ESCO1: variants seen among roughly 807,000 people sequenced by gnomAD.
ESCO1 encodes establishment of sister chromatid cohesion N-acetyltransferase 1, also known as N-acetyltransferase ESCO1.
ESCO1 carries 33 observed loss-of-function variants against 83.5 expected under a neutral mutation model. The observed-to-expected ratio is 0.40, with a 90% confidence interval of 0.30 to 0.53. The LOEUF is 0.53. Ranked by LOEUF, ESCO1 falls within the 20% of genes least tolerant of loss-of-function variation. The probability of loss-of-function intolerance (pLI) is 0.63; values close to 1 mark genes in which losing one functional copy is unlikely to be tolerated. For missense variants in ESCO1, 855 were observed against 968.0 expected (o/e 0.88, Z 1.55); for synonymous variants, 332 against 324.3 (o/e 1.02, Z -0.25).
chr18:21,566,062 G>T, intron 6 of ESCO1, 84 bp downstream of exon 6: 1 of 1,249,404 alleles, frequency 8.0e-7, no homozygotes, highest in Non-Finnish European at 1.2e-6. Context: ...AGGGTTACTA[G>T]CATAACTTTT....
intron 8 of ESCO1, among the ~76,000 whole-genome samples, chr18:21,542,670 C>A (rs1351044989): frequency 6.6e-6 from 1 of 152,098 alleles, no homozygotes; most frequent in African/African-American, 2.4e-5. Flanking sequence ...AATAAATGTT[C>A]CCAAGGGTAA....
intron 10 of ESCO1, among the ~76,000 whole-genome samples, chr18:21,535,504 T>C (rs2037824916): frequency 6.6e-6 from 1 of 151,902 alleles, no homozygotes. Context: ...TGCCTCAGCC[T>C]CCCCAATAGC....
chr18:21,564,910 A>C (rs1270079067), intron 6 of ESCO1, among the ~76,000 whole-genome samples: 1 of 151,784 alleles, frequency 6.6e-6, no homozygotes, highest in East Asian at 2.0e-4. Flanking sequence ...AATAAAAATA[A>C]ATAAATAAAA....
chr18:21,593,596 G>GGAGGGAGAGGGAGAGGGAGAGGGA (rs1568115698), intron 1 of ESCO1: 3 of 9,186 alleles, frequency 3.3e-4, no homozygotes, highest in African/African-American at 4.9e-4. Flanking sequence ...GAGGGAGACC[G>GGAGGGAGAGGGAGAGGGAGAGGGA]TAGGGAGAGG....
At chr18:21,545,008 T>C (rs537841646) in intron 8 of ESCO1, among the ~76,000 whole-genome samples, 27 of 152,326 alleles carry the variant, frequency 1.8e-4, no homozygotes, top group East Asian at 5.8e-4. Flanking sequence ...CAAAGGAGTT[T>C]TGGAGGTGCC....
rs529057017 is a variant in ESCO1, at chr18:21,563,986, C to G, written c.1821+217G>C. On this transcript the variant is annotated intron_variant, in intron 7 of 11. Coordinates refer to ENST00000269214, the MANE Select transcript of ESCO1 (RefSeq NM_052911.3). ...CTTGCTTCCTCCCTTACCACGTGGT[C>G]TCTCTGCACATGAGCTCACTCCCTT... Among the ~76,000 whole-genome samples the G allele has an allele frequency of 2.0e-5, 3 of 152,028 alleles. No individual in the cohort carries two copies. In the South Asian group the frequency reaches 6.2e-4, roughly 32 times the overall value.
intron 8 of ESCO1, among the ~76,000 whole-genome samples, chr18:21,545,899 C>T (rs1185333451): frequency 6.6e-6 from 1 of 152,160 alleles, no homozygotes; most frequent in East Asian, 1.9e-4. Flanking sequence ...CACTGCACTC[C>T]AGCCTGGGTG....
chr18:21,583,089 G>A (rs2038525253), intron 2 of ESCO1, among the ~76,000 whole-genome samples: 2 of 152,140 alleles, frequency 1.3e-5, no homozygotes, highest in African/African-American at 2.4e-5. Context: ...GGCTGAGGCA[G>A]GAGAACTGCT....
intron 4 of ESCO1, among the ~76,000 whole-genome samples, chr18:21,570,932 C>T (rs1186700216): frequency 6.7e-6 from 1 of 149,696 alleles, no homozygotes; most frequent in African/African-American, 2.5e-5. Context: ...AGCCGAGATG[C>T]ACCACTGCAC....
chr18:21,567,376 G>A (rs796327999), intron 5 of ESCO1, among the ~76,000 whole-genome samples: 2 of 152,004 alleles, frequency 1.3e-5, no homozygotes, highest in African/African-American at 4.8e-5. Flanking sequence ...CATTGGCCAG[G>A]CTGGTCTCGA....
chr18:21,555,480 T>C (rs2038101352), intron 8 of ESCO1, among the ~76,000 whole-genome samples: 1 of 152,128 alleles, frequency 6.6e-6, no homozygotes, highest in African/African-American at 2.4e-5. Context: ...ATGTTGACAG[T>C]GAGGGAGGCT....
intron 8 of ESCO1, chr18:21,540,765 G>A (rs150243319): frequency 8.6e-7 from 1 of 1,160,728 alleles, no homozygotes; most frequent in East Asian, 6.3e-5. Context: ...TGAACCAGAG[G>A]TTAAAACTAG....
intron 6 of ESCO1, among the ~76,000 whole-genome samples, chr18:21,565,078 AAAT>A: frequency 6.6e-6 from 1 of 152,242 alleles, no homozygotes; most frequent in Middle Eastern, 3.4e-3. Flanking sequence ...CCGTCTCAAA[AAAT>A]AATAATAATA....
rs372653427 is a variant in ESCO1, at chr18:21,577,430, C to T, written c.-693-1653G>A. Among the ~76,000 whole-genome samples the T allele has an allele frequency of 3.3e-3, 473 of 145,216 alleles. 3 individuals carry two copies. The highest frequency in any genetic ancestry group is 0.011 in the African/African-American group (443 of 38,792). On this transcript the variant is annotated intron_variant, in intron 2 of 11. Transcript: ENST00000269214. ...ATCCCAGCACTTTGGGAGGCCGAGG[C>T]GGGCAGATTCACGAGGTCAGGAGGT...
chr18:21,584,075 CACTA>C (rs943896754), intron 2 of ESCO1, among the ~76,000 whole-genome samples: 2 of 152,108 alleles, frequency 1.3e-5, no homozygotes, highest in Non-Finnish European at 2.9e-5. Flanking sequence ...TGGAAGGAGA[CACTA>C]ACTAATAATA....
At chr18:21,568,877 T>C (rs957639481) in intron 4 of ESCO1, among the ~76,000 whole-genome samples, 6 of 147,698 alleles carry the variant, frequency 4.1e-5, no homozygotes, top group African/African-American at 1.5e-4. Context: ...CACTCCAGCC[T>C]AGGTGACAAA....
intron 5 of ESCO1, among the ~76,000 whole-genome samples, chr18:21,567,384 C>T (rs907260321): frequency 2.4e-4 from 37 of 151,880 alleles, no homozygotes; most frequent in African/African-American, 8.5e-4. Flanking sequence ...AGGCTGGTCT[C>T]GAACTCCAGG....
intron 7 of ESCO1, 99 bp from the exon 8 acceptor site, chr18:21,561,089 T>A: frequency 1.7e-6 from 2 of 1,181,430 alleles, no homozygotes; most frequent in Non-Finnish European, 2.3e-6. Flanking sequence ...GTAAGAATTG[T>A]TTAATCTACA....
intron 11 of ESCO1, among the ~76,000 whole-genome samples, chr18:21,531,142 C>A (rs756073834): frequency 3.3e-5 from 5 of 151,910 alleles, no homozygotes; most frequent in African/African-American, 4.8e-5. Context: ...ATAATAACAT[C>A]AAAAAAAATT....
Sources: allele counts gnomAD v4.1 joint callset (sites outside exome capture counted in the v4.1 genomes callset), GRCh38; gene constraint gnomAD v4.1.1; transcripts MANE v1.5; gene names NCBI Gene and HGNC (gene_info 2026-07-23, HGNC 2026-07-21).